Variants in PLPP3 observed in about 807,000 individuals in gnomAD.
The protein encoded by PLPP3 is phospholipid phosphatase 3.
Under a neutral mutation model 29.6 loss-of-function variants are expected in PLPP3, and 6 were observed. That is an observed-to-expected ratio of 0.20 (90% CI 0.11 to 0.40). The LOEUF is 0.40. Among genes scored for constraint, PLPP3 ranks in the 10% least tolerant of loss-of-function variants. The probability of loss-of-function intolerance (pLI) is 1.00; values close to 1 mark genes in which losing one functional copy is unlikely to be tolerated. For missense variants in PLPP3, 308 were observed against 407.7 expected, an observed-to-expected ratio of 0.76 and a Z score of 2.11; for synonymous variants, 152 against 159.7, an observed-to-expected ratio of 0.95 and a Z score of 0.36.
rs984622288 is a variant in PLPP3, at chr1:56,519,489, C to T, written c.633+4334G>A. Reference sequence around the variant, plus strand: ...TAGCTGGTGCTTGGTGCATCATAGTCCCTCACTAAGCATATACCAAATGCT... The same window carrying T: ...TAGCTGGTGCTTGGTGCATCATAGTTCCTCACTAAGCATATACCAAATGCT... On this transcript the variant is annotated intron_variant, in intron 4 of 5. Coordinates refer to ENST00000371250, the MANE Select transcript of PLPP3 (RefSeq NM_003713.5). 1.4e-4 allele frequency among the ~76,000 whole-genome samples: 21 copies of T among 152,312 alleles called. No homozygotes were observed. In the East Asian group the frequency reaches 3.5e-3, roughly 25 times the overall value.
Position 56,524,388 on chromosome 1 carries a change from C to T in PLPP3, c.464G>A (p.Arg155His). 1.9e-6 allele frequency: 3 copies of T among 1,614,068 alleles called. No individual in the cohort carries two copies. The highest frequency in any genetic ancestry group is 2.5e-6 in the Non-Finnish European group (3 of 1,179,960). The part of the protein sequence containing the change: ...DIAKVSIGRL[R>H]PHFLSVCNPD... Reference sequence around the variant, plus strand: ...GTTGCAGACACTCAAGAAGTGAGGACGCAGGCGCCCTATGGACACTTTGGC... The same window carrying T: ...GTTGCAGACACTCAAGAAGTGAGGATGCAGGCGCCCTATGGACACTTTGGC... The change falls in exon 3 of 6, where the codon CGT (arginine) becomes CAT (histidine). Residue 155 changes from arginine (R) to histidine (H), a missense_variant. By Grantham distance (29) the Arg-to-His change is conservative. This residue lies in a region of PLPP3 where 232 missense variants were observed against 317.2 expected (regional missense o/e 0.73). Transcript: ENST00000371250. The surrounding 1 kb of genome is among the most constrained non-coding windows in gnomAD (Gnocchi z 4.3).
intron 4 of PLPP3, among the ~76,000 whole-genome samples, 196 bp downstream of exon 4, chr1:56,523,624 TGGG>T: frequency 6.6e-6 from 1 of 152,200 alleles, no homozygotes; most frequent in Non-Finnish European, 1.5e-5. Flanking sequence ...ATTTGAAAAA[TGGG>T]GGAAAAAACT....
intron 1 of PLPP3, among the ~76,000 whole-genome samples, chr1:56,572,043 G>GCT (rs1553140697): frequency 2.4e-5 from 2 of 85,072 alleles, no homozygotes; most frequent in Admixed American, 3.7e-4. Flanking sequence ...ATCATTTCTG[G>GCT]TTTTTTTTTT....
intron 1 of PLPP3, among the ~76,000 whole-genome samples, chr1:56,554,944 AT>A (rs907671272): frequency 3.7e-4 from 56 of 151,284 alleles, no homozygotes; most frequent in South Asian, 3.4e-3. Context: ...CCCTTCATTC[AT>A]TTTTTTTTCC....
At chr1:56,571,079 T>C (rs1366334560) in intron 1 of PLPP3, among the ~76,000 whole-genome samples, 1 of 152,176 alleles carries the variant, frequency 6.6e-6, no homozygotes, top group Non-Finnish European at 1.5e-5. Context: ...TCCTCATGAA[T>C]AATATCAAAT....
At chr1:56,565,387 G>T (rs1413154863) in intron 1 of PLPP3, among the ~76,000 whole-genome samples, 1 of 151,904 alleles carries the variant, frequency 6.6e-6, no homozygotes, top group African/African-American at 2.4e-5. Context: ...CATTACCACT[G>T]CCTGATGTGA....
intron 5 of PLPP3, among the ~76,000 whole-genome samples, chr1:56,497,634 C>T (rs776424556): frequency 6.6e-6 from 1 of 152,156 alleles, no homozygotes; most frequent in Non-Finnish European, 1.5e-5. Context: ...ACCCAACAGC[C>T]TTCTGAATTG....
At chr1:56,551,274 G>A (rs1325929058) in intron 1 of PLPP3, among the ~76,000 whole-genome samples, 2 of 78,932 alleles carry the variant, frequency 2.5e-5, no homozygotes, top group Non-Finnish European at 6.0e-5. Flanking sequence ...GGCTTTCTGG[G>A]TTTGGGGTTT....
intron 1 of PLPP3, among the ~76,000 whole-genome samples, chr1:56,553,776 G>A (rs1303815221): frequency 6.6e-6 from 1 of 152,202 alleles, no homozygotes; most frequent in Non-Finnish European, 1.5e-5. Context: ...TGTGTATGTG[G>A]ATTTTGGAGT....
intron 1 of PLPP3, among the ~76,000 whole-genome samples, chr1:56,557,470 C>T (rs1646093003): frequency 6.6e-6 from 1 of 152,138 alleles, no homozygotes. Context: ...GTTCTTTGAG[C>T]TGAATCAGAA....
intron 5 of PLPP3, among the ~76,000 whole-genome samples, chr1:56,509,247 G>T (rs1645723920): frequency 6.6e-6 from 1 of 152,126 alleles, no homozygotes; most frequent in Admixed American, 6.5e-5. Flanking sequence ...TTGTAAATCA[G>T]GCTTTCAAAC....
At chr1:56,557,058 G>GAGAGAA in intron 1 of PLPP3, among the ~76,000 whole-genome samples, 1 of 106,712 alleles carries the variant, frequency 9.4e-6, no homozygotes, top group East Asian at 2.9e-4. Flanking sequence ...GAGAGAGAGA[G>GAGAGAA]AAAGAAAGAA....
chr1:56,557,075 A>AAATT, intron 1 of PLPP3, among the ~76,000 whole-genome samples: 1 of 135,080 alleles, frequency 7.4e-6, no homozygotes, highest in South Asian at 2.4e-4. Context: ...AGAAAGAAAG[A>AAATT]AAAAATGAGA....
intron 4 of PLPP3, chr1:56,516,779 T>TAAAAAAAAAA: frequency 7.2e-6 from 1 of 139,492 alleles, no homozygotes; most frequent in Non-Finnish European, 1.6e-5. Context: ...TTTCCGTTGC[T>TAAAAAAAAAA]AAAAAAAAAA....
chr1:56,500,561 G>A (rs1173434932), intron 5 of PLPP3, among the ~76,000 whole-genome samples: 1 of 152,228 alleles, frequency 6.6e-6, no homozygotes, highest in African/African-American at 2.4e-5. Flanking sequence ...TATATCTAAG[G>A]CGGAGCAGTC....
chr1:56,519,866 G>A (rs533644201), intron 4 of PLPP3, among the ~76,000 whole-genome samples: 3 of 152,090 alleles, frequency 2.0e-5, no homozygotes, highest in Admixed American at 6.6e-5. Context: ...TCATCATTTG[G>A]CAAAATTTAT....
chr1:56,510,013 C>T (rs79293144), intron 5 of PLPP3, among the ~76,000 whole-genome samples: 95 of 152,196 alleles, frequency 6.2e-4, no homozygotes, highest in African/African-American at 2.0e-3. Context: ...ATAGTCCTCC[C>T]GAACGCTCTG....
chr1:56,540,240 TTTA>T (rs1645958929), intron 1 of PLPP3, among the ~76,000 whole-genome samples: 1 of 152,154 alleles, frequency 6.6e-6, no homozygotes, highest in Non-Finnish European at 1.5e-5. Context: ...TCAACAAATA[TTTA>T]TTGAGGCTTA....
chr1:56,534,063 T>A (rs1645908166), intron 2 of PLPP3, among the ~76,000 whole-genome samples: 1 of 152,204 alleles, frequency 6.6e-6, no homozygotes, highest in Non-Finnish European at 1.5e-5. Flanking sequence ...AGCCCATGTA[T>A]ATTTAAAATG....
Sources: gnomAD v4.1 joint callset for allele counts (sites outside exome capture counted in the v4.1 genomes callset) on GRCh38, gnomAD v4.1.1 for gene constraint, gnomAD v4.1.1 regional missense constraint, Gnocchi (gnomAD v3.1) non-coding constraint, MANE v1.5 for transcripts, NCBI Gene and HGNC (gene_info 2026-07-23, HGNC 2026-07-21) for gene names.